The following NALF1 variants were observed in gnomAD, a reference collection of about 807,000 sequenced individuals.
The protein encoded by NALF1 is NALCN channel auxiliary factor 1, also known as family with sequence similarity 155 member A.
In NALF1, 3 loss-of-function variants were observed where a neutral mutation model predicts 48.4. The observed-to-expected ratio is 0.06, with a 90% CI of 0.03 to 0.16. The LOEUF (loss-of-function observed/expected upper bound fraction) is 0.16. Ranked by LOEUF, NALF1 falls within the 10% of genes least tolerant of loss-of-function variation. The pLI, the probability that NALF1 is intolerant of heterozygous loss-of-function variation, is 1.00. For missense variants in NALF1, 526 were observed against 571.5 expected, an observed-to-expected ratio of 0.92 and a Z score of 0.81; for synonymous variants, 262 against 245.7, an observed-to-expected ratio of 1.07 and a Z score of -0.62.
intron 1 of NALF1, among the ~76,000 whole-genome samples, chr13:107,425,449 AT>A (rs1420909926): frequency 6.6e-6 from 1 of 152,136 alleles, no homozygotes; most frequent in Non-Finnish European, 1.5e-5. Context: ...CTCATTTATT[AT>A]TTTTTAAAGA....
In NALF1 at chr13:107,423,253, T is replaced by C. The variant is rs556690156; in HGVS notation, c.916-212498A>G. Among the ~76,000 whole-genome samples, 54 of 152,238 alleles carry C rather than the reference T, an allele frequency of 3.5e-4. No individual in the cohort carries two copies. In the South Asian group the frequency reaches 6.6e-3, roughly 19 times the overall value. On this transcript the variant is annotated intron_variant, in intron 1 of 2. Transcript: ENST00000375915. Reference sequence around the variant, plus strand: ...TTAATGAAGGAAACTCAATTGAAAATTAGTGACAGCTATTAGCACAGTCTG... The same window carrying C: ...TTAATGAAGGAAACTCAATTGAAAACTAGTGACAGCTATTAGCACAGTCTG...
At chr13:107,280,909 GA>G (rs1881374215) in intron 1 of NALF1, among the ~76,000 whole-genome samples, 2 of 152,206 alleles carry the variant, frequency 1.3e-5, no homozygotes, top group South Asian at 4.1e-4. Flanking sequence ...ATCAAAAAGA[GA>G]AAGTTGTATC....
At chr13:107,346,058 G>A (rs530095708) in intron 1 of NALF1, among the ~76,000 whole-genome samples, 1 of 152,184 alleles carries the variant, frequency 6.6e-6, no homozygotes, top group South Asian at 2.1e-4. Flanking sequence ...ACCACAATGA[G>A]CTATCACCCC....
At chr13:107,321,135 A>T (rs184758954) in intron 1 of NALF1, among the ~76,000 whole-genome samples, 81 of 152,294 alleles carry the variant, frequency 5.3e-4, no homozygotes, top group African/African-American at 1.9e-3. Context: ...ACCTTTATCA[A>T]AAAAGGATAG....
At chr13:107,512,177 G>A (rs552397718) in intron 1 of NALF1, among the ~76,000 whole-genome samples, 230 of 152,266 alleles carry the variant, frequency 1.5e-3, no homozygotes, top group African/African-American at 5.3e-3. Context: ...GGTGGATCAC[G>A]AGGTCAGGAG....
At chr13:107,691,079 C>A (rs892805521) in intron 1 of NALF1, among the ~76,000 whole-genome samples, 3 of 152,174 alleles carry the variant, frequency 2.0e-5, no homozygotes, top group African/African-American at 4.8e-5. Flanking sequence ...GTCTTCTAAT[C>A]CTTTATAACC....
chr13:107,518,017 T>C (rs547529617), intron 1 of NALF1, among the ~76,000 whole-genome samples: 1 of 151,890 alleles, frequency 6.6e-6, no homozygotes, highest in African/African-American at 2.4e-5. Context: ...GAACATAACC[T>C]AGACAAAAAC....
chr13:107,845,056 G>C (rs568688945), intron 1 of NALF1, among the ~76,000 whole-genome samples: 1 of 152,094 alleles, frequency 6.6e-6, no homozygotes, highest in East Asian at 1.9e-4. Flanking sequence ...CAGCAATTAC[G>C]CATAGGAAAA....
At chr13:107,463,653 T>C (rs1157330706) in intron 1 of NALF1, among the ~76,000 whole-genome samples, 1 of 152,170 alleles carries the variant, frequency 6.6e-6, no homozygotes, top group Non-Finnish European at 1.5e-5. Flanking sequence ...ATACTTATGA[T>C]ATATGACAAA....
Position 107,220,411 on chromosome 13 carries a change from A to T in NALF1, c.916-9656T>A, listed in dbSNP as rs114484746. 4.3e-3 allele frequency among the ~76,000 whole-genome samples: 652 copies of T among 152,324 alleles called. 7 individuals carry two copies. Among genetic ancestry groups the T allele is most frequent in the African/African-American group, 0.015 (618 of 41,570 alleles). ...CCTGGTCTGCATTACTGTCAGAAAA[A>T]TGCCAGTGATTCTATTAGAATTTAC... is the stretch of plus-strand genomic sequence containing the variant. On this transcript the variant is annotated intron_variant, in intron 1 of 2. Coordinates refer to ENST00000375915, the MANE Select transcript of NALF1 (RefSeq NM_001080396.3).
At chr13:107,436,539 A>G (rs1028175570) in intron 1 of NALF1, among the ~76,000 whole-genome samples, 2 of 152,182 alleles carry the variant, frequency 1.3e-5, no homozygotes, top group Non-Finnish European at 2.9e-5. Context: ...ATTCATGACA[A>G]TAACTGTCAG....
At chr13:107,344,684 A>T (rs1339197675) in intron 1 of NALF1, among the ~76,000 whole-genome samples, 1 of 152,182 alleles carries the variant, frequency 6.6e-6, no homozygotes, top group Non-Finnish European at 1.5e-5. Context: ...TTACTGTAAC[A>T]TAATAAAGGT....
intron 1 of NALF1, among the ~76,000 whole-genome samples, chr13:107,460,031 C>T (rs1218853353): frequency 6.6e-6 from 1 of 152,218 alleles, no homozygotes; most frequent in Admixed American, 6.5e-5. Context: ...CATGAGCCAC[C>T]TCGCCTGGCC....
chr13:107,550,862 C>G (rs1022083221), intron 1 of NALF1, among the ~76,000 whole-genome samples: 42 of 151,542 alleles, frequency 2.8e-4, no homozygotes, highest in Non-Finnish European at 2.9e-5. Context: ...TGAAGTTTTT[C>G]TCTAACTTTG....
chr13:107,522,520 C>T (rs1211249084), intron 1 of NALF1, among the ~76,000 whole-genome samples: 1 of 151,980 alleles, frequency 6.6e-6, no homozygotes, highest in African/African-American at 2.4e-5. Flanking sequence ...CTACTAGATT[C>T]AGTTTAAGAT....
chr13:107,254,204 C>G (rs1175758449), intron 1 of NALF1, among the ~76,000 whole-genome samples: 1 of 152,042 alleles, frequency 6.6e-6, no homozygotes, highest in Non-Finnish European at 1.5e-5. Flanking sequence ...GTCCTGTGAG[C>G]AAGAAGTTGT....
chr13:107,246,105 T>C (rs1053215330), intron 1 of NALF1, among the ~76,000 whole-genome samples: 19 of 152,160 alleles, frequency 1.2e-4, no homozygotes, highest in Admixed American at 4.6e-4. Context: ...ACCCAGAGCA[T>C]TTTGCATATT....
chr13:107,519,164 TA>T (rs1458493934), intron 1 of NALF1, among the ~76,000 whole-genome samples: 1 of 151,810 alleles, frequency 6.6e-6, no homozygotes, highest in Non-Finnish European at 1.5e-5. Flanking sequence ...CTTACAGAAT[TA>T]AAAAAATATA....
intron 1 of NALF1, among the ~76,000 whole-genome samples, chr13:107,621,818 A>T (rs1229553524): frequency 6.6e-6 from 1 of 152,156 alleles, no homozygotes; most frequent in Non-Finnish European, 1.5e-5. Context: ...TGAGGCCGGA[A>T]TTCAATCCCT....
Sources: allele counts gnomAD v4.1 joint callset (sites outside exome capture counted in the v4.1 genomes callset), GRCh38; gene constraint gnomAD v4.1.1; transcripts MANE v1.5; gene names NCBI Gene and HGNC (gene_info 2026-07-23, HGNC 2026-07-21).